The following CCDC138 variants were observed in gnomAD, a reference collection of about 807,000 sequenced individuals.
CCDC138 encodes the protein coiled-coil domain-containing protein 138.
A neutral mutation model predicts 82.3 loss-of-function variants in CCDC138; 66 were observed. The ratio of observed to expected loss-of-function variants is 0.80; its 90% CI spans 0.66 to 0.98. CCDC138 has a LOEUF of 0.98. Ranked by LOEUF, CCDC138 falls within the 50% of genes least tolerant of loss-of-function variation. The pLI, the probability that CCDC138 is intolerant of heterozygous loss-of-function variation, is 0.00. For synonymous variants in CCDC138, 297 were observed against 265.4 expected (o/e 1.12, Z -1.16); for missense variants, 816 against 758.9 (o/e 1.08, Z -0.88).
intron 1 of CCDC138, 99 bp from the exon 2 acceptor site, chr2:108,787,933 C>T: frequency 5.7e-6 from 6 of 1,055,228 alleles, no homozygotes; most frequent in South Asian, 1.5e-5. Flanking sequence ...GATTTCTCCA[C>T]TCTAACCTTT....
intron 13 of CCDC138, among the ~76,000 whole-genome samples, chr2:108,871,368 A>AC (rs1367747382): frequency 3.9e-3 from 109 of 28,110 alleles, no homozygotes; most frequent in African/African-American, 0.015. Flanking sequence ...CCCCAACTCT[A>AC]TTAAAAAAAA....
At chr2:108,831,375 A>G (rs1367859083) in intron 10 of CCDC138, among the ~76,000 whole-genome samples, 1 of 152,226 alleles carries the variant, frequency 6.6e-6, no homozygotes, top group Non-Finnish European at 1.5e-5. Flanking sequence ...TTAGTAGGAC[A>G]AAATATGCCA....
intron 10 of CCDC138, among the ~76,000 whole-genome samples, chr2:108,831,606 G>T (rs1003961060): frequency 1.3e-5 from 2 of 152,110 alleles, no homozygotes; most frequent in African/African-American, 4.8e-5. Flanking sequence ...TCCAATTTTA[G>T]CACACATCAG....
At chr2:108,832,345 T>C (rs1454366134) in intron 10 of CCDC138, among the ~76,000 whole-genome samples, 6 of 86,854 alleles carry the variant, frequency 6.9e-5, no homozygotes, top group Non-Finnish European at 1.3e-4. Flanking sequence ...TATTTCTTTC[T>C]TTTTTTTTTT....
chr2:108,875,732 G>T (rs192754578), intron 14 of CCDC138, among the ~76,000 whole-genome samples: 1 of 152,100 alleles, frequency 6.6e-6, no homozygotes. Context: ...GGTGATGTGC[G>T]CCTGTAGTCC....
intron 1 of CCDC138, among the ~76,000 whole-genome samples, chr2:108,881,738 A>G (rs903323738): frequency 6.6e-6 from 1 of 152,206 alleles, no homozygotes; most frequent in Non-Finnish European, 1.5e-5. Flanking sequence ...AGAGGGAGAG[A>G]TGGGGGATCA....
At chr2:108,860,362 T>G (rs921081042) in intron 13 of CCDC138, among the ~76,000 whole-genome samples, 3 of 152,156 alleles carry the variant, frequency 2.0e-5, no homozygotes, top group Non-Finnish European at 4.4e-5. Context: ...GCTAGGACTT[T>G]AGTACTTTGT....
At chr2:108,864,052 CAAT>C (rs1558756451) in intron 13 of CCDC138, among the ~76,000 whole-genome samples, 1 of 151,910 alleles carries the variant, frequency 6.6e-6, no homozygotes, top group Non-Finnish European at 1.5e-5. Context: ...TAACACTAGA[CAAT>C]AATAGATGAT....
chr2:108,875,582 G>A (rs1292577935), intron 14 of CCDC138, among the ~76,000 whole-genome samples: 1 of 152,150 alleles, frequency 6.6e-6, no homozygotes, highest in Non-Finnish European at 1.5e-5. Context: ...TCCAGGCTGG[G>A]CACAGTGGTT....
intron 3 of CCDC138, among the ~76,000 whole-genome samples, chr2:108,789,545 G>A (rs1679551518): frequency 6.6e-6 from 1 of 152,204 alleles, no homozygotes; most frequent in Non-Finnish European, 1.5e-5. Flanking sequence ...AGTGAGCTAA[G>A]ATTGTGCCAT....
chr2:108,873,433 T>G lies in CCDC138; in HGVS notation c.1694-18T>G. 6.4e-7 allele frequency: 1 copy of G among 1,570,380 alleles called. No homozygotes were observed. Among genetic ancestry groups the G allele is most frequent in the Non-Finnish European group, 8.6e-7 (1 of 1,162,772 alleles). ...TCGCTACTCCCTAATAGTAAAGCAC[T>G]GTTGATTTGTTTTGCAGAATCCTTG... On this transcript the variant is annotated intron_variant, in intron 13 of 14. Transcript: ENST00000295124.
intron 11 of CCDC138, among the ~76,000 whole-genome samples, chr2:108,841,139 C>A (rs1277766386): frequency 6.6e-6 from 1 of 151,912 alleles, no homozygotes; most frequent in Non-Finnish European, 1.5e-5. Flanking sequence ...TCTGGCTCAA[C>A]CCTTGAGTTC....
chr2:108,878,834 A>C (rs1374084492), downstream of CCDC138, among the ~76,000 whole-genome samples: 1 of 152,156 alleles, frequency 6.6e-6, no homozygotes, highest in Non-Finnish European at 1.5e-5. Flanking sequence ...TTGAAGTGTT[A>C]ATTTCACTAT....
intron 13 of CCDC138, among the ~76,000 whole-genome samples, chr2:108,862,389 T>G (rs1395387009): frequency 6.6e-6 from 1 of 152,162 alleles, no homozygotes; most frequent in Admixed American, 6.5e-5. Flanking sequence ...TGGGAGGTAG[T>G]GTCAGTGGAC....
intron 1 of CCDC138, 65 bp downstream of exon 1, chr2:108,786,980 C>A: frequency 8.6e-7 from 1 of 1,160,954 alleles, no homozygotes; most frequent in Non-Finnish European, 1.1e-6. Context: ...GCTCCGTGCC[C>A]CGCGCAGCCG....
intron 12 of CCDC138, among the ~76,000 whole-genome samples, chr2:108,853,405 G>A (rs1691864447): frequency 6.6e-6 from 1 of 152,088 alleles, no homozygotes; most frequent in South Asian, 2.1e-4. Context: ...TGGAGATACA[G>A]AAATCTATGT....
chr2:108,807,305 G>A (rs1260760007), intron 7 of CCDC138, among the ~76,000 whole-genome samples: 1 of 152,008 alleles, frequency 6.6e-6, no homozygotes, highest in Non-Finnish European at 1.5e-5. Flanking sequence ...TCTATGGAAA[G>A]GAATTAAATT....
chr2:108,866,371 C>T (rs1395494992), intron 13 of CCDC138, among the ~76,000 whole-genome samples: 1 of 152,228 alleles, frequency 6.6e-6, no homozygotes, highest in Non-Finnish European at 1.5e-5. Flanking sequence ...CTAACATTCA[C>T]AGGTTCCCAT....
In CCDC138 at chr2:108,876,108, A is replaced by T. The variant is rs923441073; in HGVS notation, c.1853A>T (p.Glu618Val). ...SKIKSNKKLF[E>V]LFTIHLMLQE... The stretch of plus-strand genomic sequence containing the variant: ...TACAGGAGTAATAAGAAGCTCTTTG[A>T]ACTTTTTACGATTCATCTGATGCTT... The change falls in exon 15 of 15, where the codon GAA (glutamate) becomes GTA (valine). Residue 618 changes from glutamate (E) to valine (V), a missense_variant. Glu to Val is a moderately radical substitution (Grantham distance 121, BLOSUM62 -2). Coordinates refer to ENST00000295124, the MANE Select transcript of CCDC138 (RefSeq NM_144978.3). The T allele has an allele frequency of 4.4e-6, 7 of 1,598,766 alleles. No individual in the cohort carries two copies. The highest frequency in any genetic ancestry group is 1.3e-5 in the African/African-American group (1 of 74,566).
Sources: gnomAD v4.1 joint callset for allele counts (sites outside exome capture counted in the v4.1 genomes callset) on GRCh38, gnomAD v4.1.1 for gene constraint, MANE v1.5 for transcripts, NCBI Gene and HGNC (gene_info 2026-07-23, HGNC 2026-07-21) for gene names.